The following KAZN variants were observed in gnomAD, a reference collection of about 807,000 sequenced individuals.
KAZN encodes kazrin, periplakin interacting protein.
In KAZN, 40 loss-of-function variants were observed where a neutral mutation model predicts 87.4. The ratio of observed to expected loss-of-function variants is 0.46; its 90% CI spans 0.36 to 0.60. KAZN has a LOEUF of 0.60. Ranked by LOEUF, KAZN falls within the 20% of genes least tolerant of loss-of-function variation. The pLI is 0.00. For synonymous variants in KAZN, 466 were observed against 458.3 expected (o/e 1.02, Z -0.22); for missense variants, 898 against 1,073.9 (o/e 0.84, Z 2.29).
chr1:14,657,077 CTTTTTTTTTT>C (rs35046893), intron 1 of KAZN, among the ~76,000 whole-genome samples: 4 of 83,362 alleles, frequency 4.8e-5, no homozygotes, highest in African/African-American at 8.9e-5. Context: ...AAGAGAGAGG[CTTTTTTTTTT>C]TTTTTTTTTT....
At chr1:14,544,355 T>C (rs1055245323) in intron 2 of KAZN, among the ~76,000 whole-genome samples, 9 of 146,936 alleles carry the variant, frequency 6.1e-5, no homozygotes, top group African/African-American at 2.2e-4. Context: ...TCTTTCTTTT[T>C]TTTTTTTTTT....
rs538197584 is a variant in KAZN, at chr1:14,383,490, G to A, written c.249+202898G>A. Among the ~76,000 whole-genome samples the A allele has an allele frequency of 9.0e-4, 137 of 151,800 alleles. 1 individual carries two copies. Among genetic ancestry groups the A allele is most frequent in the Non-Finnish European group, 1.8e-3 (125 of 67,948 alleles). ...TTTAATCCATCTTGAATTGATTTTT[G>A]TATAAGGTGTAAGGAAGGGATCCAG... On this transcript the variant is annotated intron_variant, in intron 2 of 16. Coordinates refer to the KAZN transcript ENST00000636203.
At chr1:15,028,556 T>A (rs186920991) in intron 2 of KAZN, among the ~76,000 whole-genome samples, 1 of 150,340 alleles carries the variant, frequency 6.7e-6, no homozygotes, top group African/African-American at 2.4e-5. Context: ...GTGTGTAGAT[T>A]TTAAATTATT....
intron 2 of KAZN, among the ~76,000 whole-genome samples, chr1:14,510,248 T>G (rs1430731524): frequency 6.6e-6 from 1 of 151,952 alleles, no homozygotes; most frequent in Non-Finnish European, 1.5e-5. Flanking sequence ...CGTGGTGGCA[T>G]ATGCCTGTAA....
intron 1 of KAZN, among the ~76,000 whole-genome samples, chr1:14,721,315 A>G (rs1034681195): frequency 6.6e-6 from 1 of 152,140 alleles, no homozygotes; most frequent in Non-Finnish European, 1.5e-5. Flanking sequence ...CCCTACCTTC[A>G]GTCTGCACTT....
intron 2 of KAZN, among the ~76,000 whole-genome samples, chr1:14,564,856 G>A (rs974437322): frequency 4.6e-5 from 7 of 152,024 alleles, no homozygotes; most frequent in East Asian, 3.9e-4. Context: ...TAAAGTAAAT[G>A]CCATAACAGT....
At chr1:14,727,729 G>GGAT in intron 1 of KAZN, among the ~76,000 whole-genome samples, 1 of 151,720 alleles carries the variant, frequency 6.6e-6, no homozygotes, top group East Asian at 2.0e-4. Context: ...GCCTCCCTAA[G>GGAT]TGTTGGGATT....
intron 2 of KAZN, among the ~76,000 whole-genome samples, chr1:14,272,001 T>C (rs1651978643): frequency 6.6e-6 from 1 of 152,214 alleles, no homozygotes; most frequent in African/African-American, 2.4e-5. Context: ...CACAGAGTGA[T>C]AGTAAAGAAT....
In KAZN at chr1:14,521,344, A is replaced by G. The variant is rs140885199; in HGVS notation, c.250-77639A>G. Among the ~76,000 whole-genome samples, 46 of 152,278 alleles carry G rather than the reference A, an allele frequency of 3.0e-4. No homozygotes were observed. The East Asian group carries it at 7.1e-3, about 24-fold the overall frequency. ...CCCTCACTGCATTTATGCCCCTCCA[A>G]CCCTTCAGAATTGGGTCTGCTGTCC... On this transcript the variant is annotated intron_variant, in intron 2 of 16. Coordinates refer to the KAZN transcript ENST00000636203.
At chr1:14,422,981 C>T (rs1384082132) in intron 2 of KAZN, among the ~76,000 whole-genome samples, 2 of 152,248 alleles carry the variant, frequency 1.3e-5, no homozygotes, top group Non-Finnish European at 2.9e-5. Context: ...CCTTTGTCCA[C>T]AGCAATAGTT....
At chr1:14,243,195 T>G (rs1312333719) in intron 2 of KAZN, among the ~76,000 whole-genome samples, 1 of 152,152 alleles carries the variant, frequency 6.6e-6, no homozygotes, top group Non-Finnish European at 1.5e-5. Flanking sequence ...TCTCTTGGGC[T>G]CTCTCCAGAA....
intron 1 of KAZN, among the ~76,000 whole-genome samples, chr1:13,908,904 A>G (rs1639545389): frequency 6.6e-6 from 1 of 152,166 alleles, no homozygotes; most frequent in South Asian, 2.1e-4. Flanking sequence ...TAAAATAAAC[A>G]CATGTTTTAT....
intron 8 of KAZN, 197 bp downstream of exon 8, chr1:15,065,950 C>G (rs1235218859): frequency 1.4e-6 from 2 of 1,397,980 alleles, no homozygotes; most frequent in East Asian, 5.5e-5. Flanking sequence ...GCGCCTCTAA[C>G]AAGTGAAAAC....
At chr1:14,912,570 A>G (rs1657368932) in intron 1 of KAZN, among the ~76,000 whole-genome samples, 1 of 152,062 alleles carries the variant, frequency 6.6e-6, no homozygotes, top group Non-Finnish European at 1.5e-5. Flanking sequence ...TTGTAGAGAC[A>G]GGGTTTCACC....
intron 2 of KAZN, among the ~76,000 whole-genome samples, chr1:14,185,233 T>C (rs1330645816): frequency 6.6e-6 from 1 of 152,156 alleles, no homozygotes; most frequent in African/African-American, 2.4e-5. Context: ...CTAGGTTCTC[T>C]TCCTTAGCAA....
chr1:14,901,747 C>T (rs921054004), intron 1 of KAZN, among the ~76,000 whole-genome samples: 2 of 152,222 alleles, frequency 1.3e-5, no homozygotes, highest in African/African-American at 4.8e-5. Context: ...TCCCGGACAG[C>T]CTGGCGTCCA....
intron 1 of KAZN, among the ~76,000 whole-genome samples, chr1:14,627,883 T>C (rs76777585): frequency 3.8e-4 from 58 of 152,334 alleles, no homozygotes; most frequent in African/African-American, 1.4e-3. Context: ...ACAGGTTTAT[T>C]CTCTGCCCAT....
intron 2 of KAZN, among the ~76,000 whole-genome samples, chr1:14,498,597 C>T (rs1670076961): frequency 6.6e-6 from 1 of 152,046 alleles, no homozygotes; most frequent in Non-Finnish European, 1.5e-5. Context: ...TGGGCTGAGG[C>T]AGGAGAGTCA....
chr1:14,760,838 T>C (rs1418566925), intron 1 of KAZN, among the ~76,000 whole-genome samples: 2 of 152,166 alleles, frequency 1.3e-5, no homozygotes, highest in Non-Finnish European at 2.9e-5. Context: ...TAGCAAACTT[T>C]TTTCTATAGA....
Sources: gnomAD v4.1 joint callset for allele counts (sites outside exome capture counted in the v4.1 genomes callset) on GRCh38, gnomAD v4.1.1 for gene constraint, MANE v1.5 for transcripts, NCBI Gene and HGNC (gene_info 2026-07-23, HGNC 2026-07-21) for gene names.